Variants in RECQL observed in about 807,000 individuals in gnomAD.
The protein encoded by RECQL is ATP-dependent DNA helicase Q1.
In RECQL, 73 loss-of-function variants were observed where a neutral mutation model predicts 75.8. The ratio of observed to expected loss-of-function variants is 0.96; its 90% CI spans 0.80 to 1.17. RECQL has a LOEUF of 1.17. Ranked by LOEUF, RECQL falls within the 50% of genes most tolerant of loss-of-function variation. RECQL has a pLI of 0.00. For synonymous variants in RECQL, 248 were observed against 254.4 expected (o/e 0.97, Z 0.24); for missense variants, 699 against 772.1 (o/e 0.91, Z 1.12).
intron 6 of RECQL, among the ~76,000 whole-genome samples, chr12:21,479,074 C>T (rs1037671923): frequency 7.2e-5 from 11 of 152,184 alleles, no homozygotes; most frequent in African/African-American, 2.7e-4. Flanking sequence ...CCTCGTCCTC[C>T]TGCACCAGTG....
In RECQL at chr12:21,468,948, T is replaced by C; in HGVS notation, c.*1246A>G. 1.9e-6 allele frequency: 1 copy of C among 539,952 alleles called. No homozygotes were observed. Among genetic ancestry groups the C allele is most frequent in the South Asian group, 2.2e-5 (1 of 45,050 alleles). 33.4% of individuals were successfully genotyped at this position (539,952 alleles called of 1,614,324 possible). On this transcript the variant is annotated 3_prime_UTR_variant, in exon 15 of 15. Transcript: ENST00000444129. Reference sequence around the variant, plus strand: ...AGTTCAAAGTTTATTTATAGATATATCTTTCCAATACAACACTGACCGCTT... The same window carrying C: ...AGTTCAAAGTTTATTTATAGATATACCTTTCCAATACAACACTGACCGCTT...
At chr12:21,495,634 C>T (rs1476577540) in intron 2 of RECQL, among the ~76,000 whole-genome samples, 1 of 152,050 alleles carries the variant, frequency 6.6e-6, no homozygotes, top group Admixed American at 6.5e-5. Context: ...TTCTCAGAAA[C>T]TACTGGACAT....
chr12:21,496,864 G>A (rs1207175364), intron 2 of RECQL, among the ~76,000 whole-genome samples: 4 of 152,122 alleles, frequency 2.6e-5, no homozygotes, highest in Non-Finnish European at 5.9e-5. Flanking sequence ...CGAACAAGAG[G>A]TAACGCCATG....
chr12:21,491,812 C>A, intron 2 of RECQL, 96 bp from the exon 3 acceptor site: 4 of 1,106,398 alleles, frequency 3.6e-6, no homozygotes, highest in South Asian at 1.6e-5. Context: ...ATATCAATTA[C>A]AGACAAACTT....
In RECQL at chr12:21,474,941, C is replaced by T. The variant is rs1326580844; in HGVS notation, c.1255G>A (p.Gly419Ser). 12 of 1,612,806 alleles carry T rather than the reference C, an allele frequency of 7.4e-6. No individual in the cohort carries two copies. The highest frequency in any genetic ancestry group is 3.3e-5 in the South Asian group (3 of 91,024). The part of the protein sequence containing the change: ...DMKADCILYY[G>S]FGDIFRISSM... ...CTTATTCTGAATATATCTCCAAAGCCGTAGTACAAAATACAGTCTGCTTTC... is the reference window on the plus strand; with the variant it reads ...CTTATTCTGAATATATCTCCAAAGCTGTAGTACAAAATACAGTCTGCTTTC... The change falls in exon 11 of 15, where the codon GGC becomes AGC. Residue 419 changes from glycine to serine, a missense_variant. Physicochemically the swap from Gly to Ser is moderately conservative, Grantham distance 56. Coordinates refer to ENST00000444129, the MANE Select transcript of RECQL (RefSeq NM_002907.4).
chr12:21,494,668 A>T (rs899260705), intron 2 of RECQL, among the ~76,000 whole-genome samples: 2 of 152,226 alleles, frequency 1.3e-5, no homozygotes, highest in Non-Finnish European at 2.9e-5. Context: ...CCAGAGTGGA[A>T]GATCAAATAG....
intron 6 of RECQL, among the ~76,000 whole-genome samples, chr12:21,481,960 G>A (rs1248772568): frequency 1.3e-5 from 2 of 152,038 alleles, no homozygotes; most frequent in East Asian, 1.9e-4. Context: ...GTGGGTCACC[G>A]ATGACCTGTT....
Position 21,491,618 on chromosome 12 carries a change from T to G in RECQL, c.115A>C (p.Lys39Gln), listed in dbSNP as rs765195543. ...TTTATTTTCTTTGTCAGGACTTTTT[T>G]TTTCTGAATAAGCTCTTGTTGCCTT... is the stretch of plus-strand genomic sequence containing the variant. Reference protein sequence around the residue: ...TERQQELIQKKKVLTKKIKQC... With the variant: ...TERQQELIQKQKVLTKKIKQC... The change falls in exon 3 of 15, where the codon AAA becomes CAA. Residue 39 changes from lysine to glutamine, a missense_variant. This residue lies in a region of RECQL where 669 missense variants were observed against 713.5 expected (regional missense o/e 0.94). Coordinates refer to ENST00000444129, the MANE Select transcript of RECQL (RefSeq NM_002907.4). 1.4e-5 allele frequency: 23 copies of G among 1,613,972 alleles called. No individual in the cohort carries two copies. Among genetic ancestry groups the G allele is most frequent in the Non-Finnish European group, 1.7e-5 (20 of 1,179,992 alleles).
intron 5 of RECQL, among the ~76,000 whole-genome samples, chr12:21,486,199 C>T (rs1033307033): frequency 2.0e-5 from 3 of 152,102 alleles, no homozygotes; most frequent in African/African-American, 7.2e-5. Flanking sequence ...TTCAATAAAA[C>T]TTTATTTATG....
At chr12:21,473,701 CTA>C in intron 11 of RECQL, 59 bp from the exon 12 acceptor site, 1 of 1,408,668 alleles carries the variant, frequency 7.1e-7, no homozygotes, top group East Asian at 2.5e-5. Context: ...TTAAGAATCT[CTA>C]TTTCAGCTTA....
intron 4 of RECQL, among the ~76,000 whole-genome samples, chr12:21,488,080 T>C (rs1697659682): frequency 6.6e-6 from 1 of 152,178 alleles, no homozygotes; most frequent in Non-Finnish European, 1.5e-5. Context: ...TTCCACTTCC[T>C]CAATTCCTAC....
At chr12:21,487,856 C>T (rs2137394938) in intron 4 of RECQL, among the ~76,000 whole-genome samples, 1 of 151,866 alleles carries the variant, frequency 6.6e-6, no homozygotes, top group East Asian at 1.9e-4. Context: ...TGAGAAACAC[C>T]CCCTCTCTAG....
chr12:21,483,404 A>T lies in RECQL; in HGVS notation c.672T>A (p.Cys224Ter), dbSNP rs375449297. Residue 224 changes from cysteine (C) to a stop codon, truncating the protein, a stop_gained, in exon 6 of 15, where the codon TGT (cysteine) becomes TGA (stop). Coordinates refer to ENST00000444129, the MANE Select transcript of RECQL (RefSeq NM_002907.4). LOFTEE classifies it high-confidence loss of function. The part of the protein sequence containing the change: ...TRIAVDEVHC[C>*]SQWGHDFRPD... ...GTCTGAAATCATGTCCCCACTGACT[A>T]CAGCAGTGAACTTCATCCACAGCAA... is the stretch of plus-strand genomic sequence containing the variant. 6.2e-7 allele frequency: 1 copy of T among 1,604,684 alleles called. No homozygotes were observed. Among genetic ancestry groups the T allele is most frequent in the South Asian group, 1.1e-5 (1 of 89,364 alleles).
chr12:21,471,199 T>C, intron 13 of RECQL, 101 bp from the exon 14 acceptor site: 1 of 1,185,064 alleles, frequency 8.4e-7, no homozygotes, highest in Non-Finnish European at 1.2e-6. Flanking sequence ...CTTAACACAT[T>C]GACTTGAAAT....
rs1266476368 is a variant in RECQL at position 21,501,270 on chromosome 12, C to G, written c.-146G>C. On this transcript the variant is annotated 5_prime_UTR_variant, in exon 1 of 15. Transcript: ENST00000444129. ...GACCGGTCAGCAGGCGAACGTGCCCCTAAAGGCCCGAGTTCTCAGAGCAGG... is the reference window on the plus strand; with the variant it reads ...GACCGGTCAGCAGGCGAACGTGCCCGTAAAGGCCCGAGTTCTCAGAGCAGG... The G allele has an allele frequency of 1.3e-5, 2 of 152,208 alleles. No individual in the cohort carries two copies. The highest frequency in any genetic ancestry group is 3.9e-4 in the East Asian group (2 of 5,186). 9.4% of individuals were successfully genotyped at this position (152,208 alleles called of 1,614,324 possible). A position where few individuals can be genotyped will look rare whatever the true frequency, so the allele number is the denominator to read the frequency against.
intron 2 of RECQL, among the ~76,000 whole-genome samples, chr12:21,495,411 A>G: frequency 6.6e-6 from 1 of 152,168 alleles, no homozygotes; most frequent in Non-Finnish European, 1.5e-5. Context: ...CCTGGCTAAC[A>G]TGGTGAAACC....
At position 21,471,665 on chromosome 12, in the gene RECQL, T is replaced by C. The variant is rs772507139; in HGVS notation, c.1448-18A>G. Reference sequence around the variant, plus strand: ...TTCAAATGCTGTAATAAAACAAATATGGTAGCAGGTAATTAGGATTTAGAA... The same window carrying C: ...TTCAAATGCTGTAATAAAACAAATACGGTAGCAGGTAATTAGGATTTAGAA... On this transcript the variant is annotated intron_variant, in intron 12 of 14. Transcript: ENST00000444129. The C allele has an allele frequency of 5.7e-6, 9 of 1,585,248 alleles. No individual in the cohort carries two copies. The highest frequency in any genetic ancestry group is 1.7e-4 in the Middle Eastern group (1 of 6,030).
intron 1 of RECQL, 42 bp from the exon 2 acceptor site, chr12:21,499,657 T>C: frequency 7.7e-6 from 8 of 1,044,824 alleles, no homozygotes; most frequent in Middle Eastern, 2.1e-4. Context: ...TTTTTAAAAA[T>C]AGTACTATTA....
At chr12:21,489,831 G>A (rs1215597389) in intron 4 of RECQL, among the ~76,000 whole-genome samples, 1 of 152,150 alleles carries the variant, frequency 6.6e-6, no homozygotes, top group Non-Finnish European at 1.5e-5. Context: ...TCAGGAACCA[G>A]ATAAAAGGAT....
Sources: allele counts gnomAD v4.1 joint callset (sites outside exome capture counted in the v4.1 genomes callset), GRCh38; gene constraint gnomAD v4.1.1; regional missense constraint gnomAD v4.1.1; transcripts MANE v1.5; gene names NCBI Gene and HGNC (gene_info 2026-07-23, HGNC 2026-07-21).